Variants in SSBP2 observed in about 807,000 individuals in gnomAD.
SSBP2 encodes the protein single stranded DNA binding protein 2, also known as single-stranded DNA-binding protein 2.
In SSBP2, 17 loss-of-function variants were observed where a neutral mutation model predicts 61.8. The ratio of observed to expected loss-of-function variants is 0.28; its 90% CI spans 0.19 to 0.41. The LOEUF (loss-of-function observed/expected upper bound fraction) is 0.41. Ranked by LOEUF, SSBP2 falls within the 10% of genes least tolerant of loss-of-function variation. SSBP2 has a pLI of 1.00. For synonymous variants in SSBP2, 139 were observed against 141.3 expected (o/e 0.98, Z 0.12); for missense variants, 310 against 458.7 (o/e 0.68, Z 2.96).
At chr5:81,643,248 G>A (rs548734752) in intron 2 of SSBP2, among the ~76,000 whole-genome samples, 1 of 152,300 alleles carries the variant, frequency 6.6e-6, no homozygotes, top group African/African-American at 2.4e-5. Context: ...AGCAGATCCA[G>A]ACCCACTTCC....
intron 1 of SSBP2, among the ~76,000 whole-genome samples, chr5:81,696,402 CG>C (rs764357031): frequency 3.8e-4 from 58 of 152,050 alleles, no homozygotes; most frequent in Non-Finnish European, 7.2e-4. Context: ...TACCATAATA[CG>C]TAAAGGAAGA....
At chr5:81,694,449 C>T (rs1050638460) in intron 1 of SSBP2, among the ~76,000 whole-genome samples, 1 of 152,066 alleles carries the variant, frequency 6.6e-6, no homozygotes, top group African/African-American at 2.4e-5. Context: ...CTACTATGTA[C>T]CCACAAAAAT....
At chr5:81,464,232 G>A (rs1764742445) in intron 9 of SSBP2, among the ~76,000 whole-genome samples, 1 of 151,932 alleles carries the variant, frequency 6.6e-6, no homozygotes, top group Non-Finnish European at 1.5e-5. Flanking sequence ...GTTGAGTTAG[G>A]GGTGCTTTAA....
intron 4 of SSBP2, among the ~76,000 whole-genome samples, chr5:81,568,631 A>C (rs1410718992): frequency 1.3e-5 from 2 of 152,214 alleles, no homozygotes; most frequent in Non-Finnish European, 2.9e-5. Context: ...ACATGAAATA[A>C]CGTAGCTGTC....
chr5:81,438,037 T>G (rs1405547471), intron 14 of SSBP2, among the ~76,000 whole-genome samples: 5 of 152,134 alleles, frequency 3.3e-5, no homozygotes, highest in Non-Finnish European at 7.4e-5. Flanking sequence ...AAACAATCAA[T>G]ATGAATTTCT....
intron 5 of SSBP2, among the ~76,000 whole-genome samples, chr5:81,497,068 T>C (rs973289533): frequency 1.3e-5 from 2 of 152,242 alleles, no homozygotes; most frequent in African/African-American, 4.8e-5. Flanking sequence ...CCAATTAGCA[T>C]GTGCTCTTGA....
intron 1 of SSBP2, among the ~76,000 whole-genome samples, chr5:81,715,896 A>G (rs947553789): frequency 6.6e-6 from 1 of 152,102 alleles, no homozygotes; most frequent in African/African-American, 2.4e-5. Context: ...GTCTCTACAA[A>G]AAAATTTAAA....
chr5:81,570,843 A>G (rs993180966), intron 4 of SSBP2, among the ~76,000 whole-genome samples: 1 of 152,172 alleles, frequency 6.6e-6, no homozygotes, highest in East Asian at 1.9e-4. Context: ...CAACCTTCCA[A>G]TCTGTATTTG....
chr5:81,593,309 C>A (rs190548131), intron 4 of SSBP2, among the ~76,000 whole-genome samples: 2 of 151,948 alleles, frequency 1.3e-5, no homozygotes, highest in Non-Finnish European at 2.9e-5. Context: ...TAAAAAGAAC[C>A]GAACAAAGCC....
chr5:81,522,018 CTAAG>C (rs1769528684), intron 4 of SSBP2, among the ~76,000 whole-genome samples: 1 of 151,954 alleles, frequency 6.6e-6, no homozygotes, highest in Non-Finnish European at 1.5e-5. Flanking sequence ...ATAAATTTGA[CTAAG>C]TGACCCTTCT....
chr5:81,587,367 T>A (rs972615688), intron 4 of SSBP2, among the ~76,000 whole-genome samples: 7 of 152,164 alleles, frequency 4.6e-5, no homozygotes, highest in Non-Finnish European at 8.8e-5. Flanking sequence ...AAGAAAGATT[T>A]TACCATAACA....
At chr5:81,436,475 TAG>T (rs1353994503) in intron 15 of SSBP2, among the ~76,000 whole-genome samples, 5 of 152,140 alleles carry the variant, frequency 3.3e-5, no homozygotes, top group Non-Finnish European at 5.9e-5. Flanking sequence ...AGCCAGGCAG[TAG>T]AGTTATAATG....
intron 1 of SSBP2, among the ~76,000 whole-genome samples, chr5:81,691,054 T>C (rs1429192992): frequency 2.0e-5 from 3 of 152,034 alleles, no homozygotes; most frequent in Admixed American, 6.6e-5. Context: ...CCAAAACCTG[T>C]GGGATACAGC....
At position 81,751,057 on chromosome 5, in the gene SSBP2, C is replaced by T; in HGVS notation, c.-15G>A. ...TTGCCGTACATGCTTGTGCCGAGAG[C>T]AGCTCCCACTGTCACGCACCTGTCA... On this transcript the variant is annotated 5_prime_UTR_variant, in exon 1 of 17. Transcript: ENST00000320672. The T allele has an allele frequency of 3.2e-6, 5 of 1,584,308 alleles. No individual in the cohort carries two copies. The highest frequency in any genetic ancestry group is 4.3e-6 in the Non-Finnish European group (5 of 1,165,294).
intron 4 of SSBP2, among the ~76,000 whole-genome samples, chr5:81,583,179 T>C (rs1299270562): frequency 3.3e-5 from 5 of 152,168 alleles, no homozygotes; most frequent in Non-Finnish European, 7.3e-5. Context: ...ATCATGCTAC[T>C]GCACTCCAAT....
chr5:81,652,607 G>A (rs1749827519), intron 1 of SSBP2, among the ~76,000 whole-genome samples: 1 of 152,106 alleles, frequency 6.6e-6, no homozygotes. Context: ...ATATATTCAT[G>A]TTCTGCAATC....
chr5:81,741,425 T>C (rs904025042), intron 1 of SSBP2, among the ~76,000 whole-genome samples: 2 of 152,174 alleles, frequency 1.3e-5, no homozygotes, highest in African/African-American at 4.8e-5. Flanking sequence ...GGCTATACCA[T>C]AATGTGAACG....
intron 4 of SSBP2, among the ~76,000 whole-genome samples, chr5:81,564,065 C>A (rs1773250860): frequency 6.6e-6 from 1 of 152,050 alleles, no homozygotes; most frequent in East Asian, 1.9e-4. Flanking sequence ...AAATGAATGA[C>A]CCAATTAAAA....
intron 4 of SSBP2, among the ~76,000 whole-genome samples, chr5:81,606,527 A>C (rs1428393495): frequency 6.6e-6 from 1 of 152,204 alleles, no homozygotes; most frequent in African/African-American, 2.4e-5. Flanking sequence ...ATATATTCTA[A>C]ATCATTCTTA....
Sources: gnomAD v4.1 joint callset for allele counts (sites outside exome capture counted in the v4.1 genomes callset) on GRCh38, gnomAD v4.1.1 for gene constraint, MANE v1.5 for transcripts, NCBI Gene and HGNC (gene_info 2026-07-23, HGNC 2026-07-21) for gene names.